Variants in MYO15B observed in about 807,000 individuals in gnomAD.
The protein encoded by MYO15B is myosin XVB, also known as myosin XVB pseudogene.
MYO15B carries 207 observed loss-of-function variants against 119.3 expected under a neutral mutation model. The ratio of observed to expected loss-of-function variants is 1.73; its 90% CI spans 1.55 to 1.95. MYO15B has a LOEUF of 1.95. MYO15B is among the 30% of genes most tolerant of loss of function. MYO15B has a pLI of 0.00. For missense variants in MYO15B, 2,264 were observed against 1,203.1 expected (o/e 1.88, Z -13.04); for synonymous variants, 966 against 498.9 (o/e 1.94, Z -12.48).
chr17:75,618,520 G>A (rs146672545), intron 43 of MYO15B, among the ~76,000 whole-genome samples: 1,548 of 152,306 alleles, frequency 0.01, 15 homozygotes, highest in Admixed American at 0.018. Flanking sequence ...GTGGTGGCAC[G>A]CACCTGTAAC....
At chr17:75,603,123 C>A in intron 18 of MYO15B, 46 bp downstream of exon 18, 1 of 703,162 alleles carries the variant, frequency 1.4e-6, no homozygotes, top group Non-Finnish European at 2.6e-6. Context: ...CCTCCCTGCA[C>A]CTCCCTCCCC....
chr17:75,604,962 A>G (rs1598796608), intron 19 of MYO15B, among the ~76,000 whole-genome samples: 1 of 150,288 alleles, frequency 6.7e-6, no homozygotes, highest in African/African-American at 2.5e-5. Flanking sequence ...ATATAGAGAA[A>G]CCCCGTCTCT....
chr17:75,592,906 G>T, intron 9 of MYO15B, 66 bp downstream of exon 9: 1 of 665,124 alleles, frequency 1.5e-6, no homozygotes, highest in South Asian at 1.6e-5. Context: ...CAGTGGTAAT[G>T]ACGCCAAATG....
At chr17:75,594,881 G>A (rs1297453559) in exon 12 of MYO15B, 11 of 703,048 alleles carry the variant, frequency 1.6e-5, no homozygotes, top group East Asian at 2.7e-5. Context: ...CTCTTCCACC[G>A]GCTTCTGAGG....
chr17:75,619,139 C>A lies in MYO15B; in HGVS notation c.6988-4C>A. On this transcript the variant is annotated splice_region_variant and splice_polypyrimidine_tract_variant and intron_variant, in intron 43 of 63. Coordinates refer to ENST00000645453, the Ensembl canonical transcript of MYO15B. ...TGGTGGTGACCACCTCGCTCTGCCC[C>A]CAGATCCTACGGGACACCTTCTCCG... 2 of 702,904 alleles carry A rather than the reference C, an allele frequency of 2.8e-6. No homozygotes were observed. Among genetic ancestry groups the A allele is most frequent in the Non-Finnish European group, 5.2e-6 (2 of 385,010 alleles). 43.5% of individuals were successfully genotyped at this position (702,904 alleles called of 1,614,324 possible). A position where few individuals can be genotyped will look rare whatever the true frequency, so the allele number is the denominator to read the frequency against.
At chr17:75,588,806 G>A in exon 1 of MYO15B, 1 of 398,538 alleles carries the variant, frequency 2.5e-6, no homozygotes, top group Non-Finnish European at 4.4e-6. Flanking sequence ...ACCGGACCTG[G>A]ACGGGGCTCT....
In MYO15B at chr17:75,620,487, G is replaced by A. The variant is rs368657795; in HGVS notation, c.7576G>A (p.Gly2526Arg). The A allele has an allele frequency of 4.0e-3, 2,827 of 702,676 alleles. 9 individuals are homozygous for A. Among genetic ancestry groups the A allele is most frequent in the Non-Finnish European group, 5.3e-3 (2,036 of 384,906 alleles). The allele number at this position is 702,676 out of a possible 1,614,324, so 43.5% of individuals were successfully genotyped here. Residue 2526 changes from glycine to arginine, a missense_variant, in exon 49 of 64, where the codon GGG becomes AGG. Gly to Arg is a moderately radical substitution (Grantham distance 125). Transcript: ENST00000645453. ...TCCAGGCTGGCAGTTTGGCTCTGCC[G>A]GGGGCCGTTCCGGACTCTTTCCTGC...
intron 13 of MYO15B, 105 bp downstream of exon 13, chr17:75,596,660 G>T (rs1208137460): frequency 1.6e-5 from 11 of 677,906 alleles, no homozygotes; most frequent in Non-Finnish European, 2.4e-5. Context: ...TGCCTGGAAG[G>T]CCCCTTTCCA....
At chr17:75,591,672 G>A (rs2056461319) in exon 5 of MYO15B, 1 of 702,872 alleles carries the variant, frequency 1.4e-6, no homozygotes, top group Non-Finnish European at 2.6e-6. Context: ...CAGTTCCTAA[G>A]CAGCCTGGAG....
chr17:75,611,610 C>T lies in MYO15B; in HGVS notation c.4456C>T (p.Arg1486Cys), dbSNP rs115078953. ...GAGTCCCCTCTGCCAGGAGCTGGGG[C>T]GCTTGGAGATCCCGGCTGAGCTGGC... is the stretch of plus-strand genomic sequence containing the variant. Residue 1486 changes from arginine to cysteine, a missense_variant, in exon 24 of 64, where the codon CGC becomes TGC. Physicochemically the swap from Arg to Cys is radical, Grantham distance 180 (BLOSUM62 -3). Transcript: ENST00000645453. 676 of 702,656 alleles carry T rather than the reference C, an allele frequency of 9.6e-4. 6 individuals carry two copies. Among genetic ancestry groups the T allele is most frequent in the African/African-American group, 7.0e-3 (400 of 57,314 alleles). 43.5% of individuals were successfully genotyped at this position (702,656 alleles called of 1,614,324 possible).
exon 7 of MYO15B, chr17:75,592,264 C>G: frequency 1.4e-6 from 1 of 702,868 alleles, no homozygotes; most frequent in Non-Finnish European, 2.6e-6. Context: ...GCCTCTGTGT[C>G]TCATTATCTA....
rs1033683089 is a variant in MYO15B at position 75,589,087 on chromosome 17, C to T, written c.1030C>T (p.Leu344Phe). ...GGCCCTCCTGGTGGTCCGCAGGCTCCTCGCGAGGCCCCCGCCAGGCGCCGC... is the reference window on the plus strand; with the variant it reads ...GGCCCTCCTGGTGGTCCGCAGGCTCTTCGCGAGGCCCCCGCCAGGCGCCGC... The change falls in exon 1 of 64, where the codon CTC (leucine) becomes TTC (phenylalanine). Residue 344 changes from leucine to phenylalanine, a missense_variant. By Grantham distance (22) the Leu-to-Phe change is conservative. Coordinates refer to ENST00000645453, the Ensembl canonical transcript of MYO15B. The surrounding 1 kb of genome is among the most constrained non-coding windows in gnomAD (Gnocchi z 4.2). The T allele has an allele frequency of 7.4e-5, 29 of 394,270 alleles. No individual in the cohort carries two copies. The highest frequency in any genetic ancestry group is 4.0e-5 in the Non-Finnish European group (9 of 223,294). The allele number at this position is 394,270 out of a possible 1,614,324, so 24.4% of individuals were successfully genotyped here. A position where few individuals can be genotyped will look rare whatever the true frequency, so the allele number is the denominator to read the frequency against.
intron 60 of MYO15B, 37 bp downstream of exon 60, chr17:75,625,275 C>A: frequency 1.5e-6 from 1 of 675,124 alleles, no homozygotes; most frequent in South Asian, 1.6e-5. Context: ...AGCCCCTCCC[C>A]TTCTCTAAGG....
At chr17:75,604,982 A>G (rs1267521879) in intron 19 of MYO15B, among the ~76,000 whole-genome samples, 2 of 151,848 alleles carry the variant, frequency 1.3e-5, no homozygotes, top group Non-Finnish European at 2.9e-5. Context: ...TACTAAAAAT[A>G]CAAAATCAGC....
exon 58 of MYO15B, chr17:75,624,550 C>G (rs1381847142): frequency 2.8e-6 from 2 of 703,078 alleles, no homozygotes; most frequent in Admixed American, 2.0e-5. Flanking sequence ...CAGGTAGCAG[C>G]AGAAGTGCAG....
At chr17:75,625,822 C>G (rs1444320739) in intron 61 of MYO15B, 22 bp from the exon 62 acceptor site, 1 of 702,304 alleles carries the variant, frequency 1.4e-6, no homozygotes, top group Non-Finnish European at 2.6e-6. Flanking sequence ...AGATTTCCTG[C>G]CTGCACCCTC....
chr17:75,626,146 TGGA>T (rs752960810), exon 63 of MYO15B: 10 of 702,608 alleles, frequency 1.4e-5, no homozygotes, highest in South Asian at 1.3e-4. Context: ...CTAAGCCCTC[TGGA>T]GGAGAAGGGG....
chr17:75,592,396 C>T, intron 7 of MYO15B, 32 bp from the exon 8 acceptor site: 2 of 675,094 alleles, frequency 3.0e-6, no homozygotes, highest in Non-Finnish European at 5.4e-6. Context: ...GCCCCTAGGG[C>T]ACTGAGCCCC....
At chr17:75,608,287 T>G (rs1056708611) in intron 21 of MYO15B, among the ~76,000 whole-genome samples, 2 of 151,594 alleles carry the variant, frequency 1.3e-5, no homozygotes, top group Non-Finnish European at 2.9e-5. Context: ...CCCAGTTAAT[T>G]TTTGTGTTTT....
Sources: gnomAD v4.1 joint callset for allele counts (sites outside exome capture counted in the v4.1 genomes callset) on GRCh38, gnomAD v4.1.1 for gene constraint, Gnocchi (gnomAD v3.1) non-coding constraint, MANE v1.5 for transcripts, NCBI Gene and HGNC (gene_info 2026-07-23, HGNC 2026-07-21) for gene names.